The following MLF1 variants were observed in gnomAD, a reference collection of about 807,000 sequenced individuals.
The protein encoded by MLF1 is myelodysplasia-myeloid leukemia factor 1.
A neutral mutation model predicts 38.3 loss-of-function variants in MLF1; 37 were observed. The observed-to-expected ratio is 0.96, with a 90% CI of 0.74 to 1.27. The LOEUF (loss-of-function observed/expected upper bound fraction) is 1.27, where lower values mean the gene tolerates loss of function less well. Among genes scored for constraint, MLF1 ranks in the 50% most tolerant of loss-of-function variants. The pLI is 0.00. For missense variants in MLF1, 331 were observed against 349.2 expected, an observed-to-expected ratio of 0.95 and a Z score of 0.42; for synonymous variants, 95 against 106.5, an observed-to-expected ratio of 0.89 and a Z score of 0.66.
In MLF1 at chr3:158,602,864, G is replaced by C. The variant is rs1719999316; in HGVS notation, c.671G>C (p.Gly224Ala). ...AGTGAGGTTTTGAAGTACAAACCAGGACGACACAATCTAGGAAACACTAGA... is the reference window on the plus strand; with the variant it reads ...AGTGAGGTTTTGAAGTACAAACCAGCACGACACAATCTAGGAAACACTAGA... ...WQSEVLKYKP[G>A]RHNLGNTRMR... Residue 224 changes from glycine (G) to alanine (A), a missense_variant, in exon 7 of 8, where the codon GGA (glycine) becomes GCA (alanine). By Grantham distance (60) the Gly-to-Ala change is moderately conservative. Coordinates refer to ENST00000466246, the MANE Select transcript of MLF1 (RefSeq NM_001369783.1). 1 of 1,613,662 alleles carries C rather than the reference G, an allele frequency of 6.2e-7. No individual in the cohort carries two copies. Among genetic ancestry groups the C allele is most frequent in the African/African-American group, 1.3e-5 (1 of 74,886 alleles).
intron 2 of MLF1, among the ~76,000 whole-genome samples, chr3:158,593,148 A>G (rs565816581): frequency 2.0e-5 from 3 of 152,008 alleles, no homozygotes; most frequent in Non-Finnish European, 2.9e-5. Context: ...TTAAAAAAAA[A>G]ACAGGATATT....
At chr3:158,575,257 T>G (rs1380657384) in intron 1 of MLF1, among the ~76,000 whole-genome samples, 3 of 152,194 alleles carry the variant, frequency 2.0e-5, no homozygotes, top group African/African-American at 7.2e-5. Flanking sequence ...CTAATCTCCT[T>G]TATTCATCAC....
chr3:158,595,899 G>A (rs6791259), intron 3 of MLF1, among the ~76,000 whole-genome samples: 12,615 of 152,168 alleles, frequency 0.083, 653 homozygotes, highest in Middle Eastern at 0.13. Context: ...TAACACATTG[G>A]AATGTGTGCC....
intron 1 of MLF1, among the ~76,000 whole-genome samples, chr3:158,591,672 G>A (rs1012148260): frequency 3.3e-5 from 5 of 151,984 alleles, no homozygotes; most frequent in African/African-American, 1.2e-4. Flanking sequence ...GTTCTAGAAC[G>A]AGGAATAAGG....
At chr3:158,571,410 T>C in intron 1 of MLF1, 63 bp downstream of exon 1, 1 of 1,607,282 alleles carries the variant, frequency 6.2e-7, no homozygotes, top group Non-Finnish European at 8.5e-7. Flanking sequence ...GGGAGCTATT[T>C]TAAGGGAAAA....
intron 1 of MLF1, among the ~76,000 whole-genome samples, chr3:158,576,721 G>A (rs1337571357): frequency 1.4e-5 from 2 of 145,228 alleles, no homozygotes; most frequent in African/African-American, 5.1e-5. Context: ...TGCCCAGGCT[G>A]GAGTGCAGTG....
chr3:158,602,807 G>A lies in MLF1; in HGVS notation c.614G>A (p.Ser205Asn). ...CCCATTATTTTTCTGTTTGACATAG[G>A]TGATGCTCATGCTTTTGATGAGGAG... ...VNQEFINMNESDAHAFDEEWQ... is the reference protein window; with the variant it reads ...VNQEFINMNENDAHAFDEEWQ... The change falls in exon 7 of 8, where the codon AGT (serine) becomes AAT (asparagine). Residue 205 changes from serine (S) to asparagine (N), a missense_variant and splice_region_variant. By Grantham distance (46) the Ser-to-Asn change is conservative. Transcript: ENST00000466246. The A allele has an allele frequency of 6.2e-7, 1 of 1,612,960 alleles. No individual in the cohort carries two copies. Among genetic ancestry groups the A allele is most frequent in the Non-Finnish European group, 8.5e-7 (1 of 1,179,570 alleles).
intron 7 of MLF1, among the ~76,000 whole-genome samples, chr3:158,604,350 C>T (rs894058398): frequency 9.9e-5 from 15 of 152,236 alleles, no homozygotes; most frequent in Middle Eastern, 3.4e-3. Context: ...TTCTCTTAAC[C>T]GGCACTGTCC....
intron 1 of MLF1, among the ~76,000 whole-genome samples, chr3:158,591,966 T>C (rs1225360892): frequency 1.1e-4 from 16 of 152,204 alleles, no homozygotes; most frequent in Admixed American, 9.8e-4. Context: ...AATGAACCCA[T>C]CGCAAATTGA....
At chr3:158,597,961 C>T in intron 4 of MLF1, 119 bp from the exon 5 acceptor site, 1 of 1,096,614 alleles carries the variant, frequency 9.1e-7, no homozygotes, top group Non-Finnish European at 1.3e-6. Context: ...TTGACTACAC[C>T]ATATTGGTAG....
intron 7 of MLF1, 115 bp downstream of exon 7, chr3:158,603,054 T>A (rs1720031434): frequency 1.2e-6 from 1 of 841,036 alleles, no homozygotes; most frequent in Non-Finnish European, 1.8e-6. Flanking sequence ...ATCCACAGTA[T>A]CTTTTGTGAA....
Position 158,596,851 on chromosome 3 carries a change from A to G in MLF1, c.241-11A>G. On this transcript the variant is annotated splice_polypyrimidine_tract_variant and intron_variant, in intron 3 of 7. Transcript: ENST00000466246. ...CCTACAGTTAATAACATACTTCCTG[A>G]TATTCTGTAGCATACAGATGTCAGC... 2 of 1,581,096 alleles carry G rather than the reference A, an allele frequency of 1.3e-6. No individual in the cohort carries two copies.
intron 1 of MLF1, among the ~76,000 whole-genome samples, chr3:158,572,434 G>GGT (rs1714622759): frequency 6.9e-6 from 1 of 143,918 alleles, no homozygotes; most frequent in Admixed American, 6.9e-5. Flanking sequence ...GGGAGCGTGA[G>GGT]GTGGCGGTAA....
intron 1 of MLF1, among the ~76,000 whole-genome samples, chr3:158,586,968 C>G (rs924231978): frequency 1.3e-5 from 2 of 152,212 alleles, no homozygotes; most frequent in African/African-American, 4.8e-5. Context: ...GTTCAGGGCT[C>G]TATCCCCACT....
intron 3 of MLF1, among the ~76,000 whole-genome samples, chr3:158,595,672 A>G (rs866713062): frequency 6.6e-6 from 1 of 152,126 alleles, no homozygotes. Flanking sequence ...TATTTCCTAA[A>G]TGTGCCTTTG....
At chr3:158,587,716 C>T (rs1717446787) in intron 1 of MLF1, among the ~76,000 whole-genome samples, 1 of 152,212 alleles carries the variant, frequency 6.6e-6, no homozygotes. Flanking sequence ...AAGAGCATGG[C>T]TTGGCCTGGT....
In MLF1 at chr3:158,574,505, T is replaced by TAAAAAAAAAAA. The variant is rs758915813; in HGVS notation, c.47+3170_47+3180dup. On this transcript the variant is annotated intron_variant, in intron 1 of 7. Coordinates refer to ENST00000466246, the MANE Select transcript of MLF1 (RefSeq NM_001369783.1). ...CAACATGGTGAAACCCCATCTGTAC[T>TAAAAAAAAAAA]AAAAAAAAAAAAAAAAAAAAAATAC... is the stretch of plus-strand genomic sequence containing the variant. Among the ~76,000 whole-genome samples the TAAAAAAAAAAA allele has an allele frequency of 2.0e-3, 187 of 91,358 alleles. 7 individuals carry two copies. Among genetic ancestry groups the TAAAAAAAAAAA allele is most frequent in the African/African-American group, 0.01 (178 of 17,418 alleles). 59.9% of individuals were successfully genotyped at this position (91,358 alleles called of 152,430 possible). A position where few individuals can be genotyped will look rare whatever the true frequency, so the allele number is the denominator to read the frequency against.
chr3:158,602,850 G>A lies in MLF1; in HGVS notation c.657G>A (p.Leu219=), dbSNP rs148554013. 9 of 1,613,544 alleles carry A rather than the reference G, an allele frequency of 5.6e-6. No individual in the cohort carries two copies. In the African/African-American group the frequency reaches 1.1e-4, roughly 19 times the overall value. ...ATGAGGAGTGGCAAAGTGAGGTTTTGAAGTACAAACCAGGACGACACAATC... is the reference window on the plus strand; with the variant it reads ...ATGAGGAGTGGCAAAGTGAGGTTTTAAAGTACAAACCAGGACGACACAATC... ...AFDEEWQSEV[L]KYKPGRHNLG... is the part of the protein sequence containing the mutation. Residue 219 remains leucine (L), a synonymous_variant, in exon 7 of 8, where the codon TTG becomes TTA. Transcript: ENST00000466246.
chr3:158,594,451 C>A (rs927032872), intron 3 of MLF1, among the ~76,000 whole-genome samples: 2 of 138,036 alleles, frequency 1.4e-5, no homozygotes, highest in Non-Finnish European at 3.1e-5. Context: ...GAAGAGGTAA[C>A]CAGAGACTTC....
Sources: allele counts gnomAD v4.1 joint callset (sites outside exome capture counted in the v4.1 genomes callset), GRCh38; gene constraint gnomAD v4.1.1; transcripts MANE v1.5; gene names NCBI Gene and HGNC (gene_info 2026-07-23, HGNC 2026-07-21).